The following FAM174A variants were observed in gnomAD, a reference collection of about 807,000 sequenced individuals.
FAM174A encodes the protein membrane protein FAM174A.
Under a neutral mutation model 14.3 loss-of-function variants are expected in FAM174A, and 14 were observed. The observed-to-expected ratio is 0.98, with a 90% CI of 0.65 to 1.53. The LOEUF is 1.53. Among genes scored for constraint, FAM174A ranks in the 40% most tolerant of loss-of-function variants. The pLI, the probability that FAM174A is intolerant of heterozygous loss-of-function variation, is 0.00. For missense variants in FAM174A, 241 were observed against 249.6 expected (o/e 0.97, Z 0.23); for synonymous variants, 108 against 111.4 (o/e 0.97, Z 0.19).
intron 1 of FAM174A, among the ~76,000 whole-genome samples, chr5:100,558,411 T>A (rs1448826767): frequency 6.6e-6 from 1 of 152,178 alleles, no homozygotes; most frequent in Non-Finnish European, 1.5e-5. Context: ...GAATGTATAT[T>A]CTGTTGATTT....
At chr5:100,545,805 T>G (rs1746154073) in intron 1 of FAM174A, among the ~76,000 whole-genome samples, 1 of 152,210 alleles carries the variant, frequency 6.6e-6, no homozygotes. Context: ...ATTATTAATA[T>G]ATGTTACATG....
At chr5:100,578,633 A>C (rs1746947861) in intron 2 of FAM174A, among the ~76,000 whole-genome samples, 1 of 152,090 alleles carries the variant, frequency 6.6e-6, no homozygotes, top group Non-Finnish European at 1.5e-5. Flanking sequence ...AAAGAAGGAT[A>C]TTGTTTTTCT....
chr5:100,571,857 T>A (rs1746788104), intron 2 of FAM174A, among the ~76,000 whole-genome samples: 1 of 151,844 alleles, frequency 6.6e-6, no homozygotes, highest in African/African-American at 2.4e-5. Context: ...TACAACCATT[T>A]TTACAGCAAA....
At chr5:100,553,466 C>T (rs1746304840) in intron 1 of FAM174A, among the ~76,000 whole-genome samples, 1 of 152,006 alleles carries the variant, frequency 6.6e-6, no homozygotes, top group African/African-American at 2.4e-5. Flanking sequence ...TGTATGACCA[C>T]ATAATTATCA....
At chr5:100,581,486 C>T in intron 2 of FAM174A, 1 of 652,486 alleles carries the variant, frequency 1.5e-6, no homozygotes, top group Non-Finnish European at 1.9e-6. Flanking sequence ...AGCATGGTGG[C>T]TCATGCCTGT....
At chr5:100,542,298 A>T (rs987250285) in intron 1 of FAM174A, among the ~76,000 whole-genome samples, 3 of 152,238 alleles carry the variant, frequency 2.0e-5, no homozygotes, top group Admixed American at 2.0e-4. Flanking sequence ...AGCTTGAAAC[A>T]GTATTTTTAT....
In FAM174A at chr5:100,535,455, C is replaced by G; in HGVS notation, c.-76C>G. On this transcript the variant is annotated 5_prime_UTR_variant, in exon 1 of 3. Transcript: ENST00000312637. ...TGGTCACCTCTGCTTCATTCTCCAC[C>G]GCGCCTATGGTCCCTCTTGGAGCCA... The G allele has an allele frequency of 6.6e-7, 1 of 1,521,020 alleles. No individual in the cohort carries two copies. The highest frequency in any genetic ancestry group is 9.0e-7 in the Non-Finnish European group (1 of 1,110,858). 94.2% of individuals were successfully genotyped at this position (1,521,020 alleles called of 1,614,324 possible).
At chr5:100,569,749 TG>T (rs1475382297) in intron 2 of FAM174A, among the ~76,000 whole-genome samples, 3 of 151,808 alleles carry the variant, frequency 2.0e-5, no homozygotes, top group Non-Finnish European at 4.4e-5. Flanking sequence ...TACTAAGCTC[TG>T]GGGATGTATA....
At chr5:100,537,841 G>A (rs188084658) in intron 1 of FAM174A, among the ~76,000 whole-genome samples, 251 of 152,224 alleles carry the variant, frequency 1.6e-3, no homozygotes, top group African/African-American at 5.7e-3. Flanking sequence ...AAAATGATAA[G>A]TATAATGATA....
At chr5:100,537,248 A>T (rs1745959917) in intron 1 of FAM174A, among the ~76,000 whole-genome samples, 1 of 152,202 alleles carries the variant, frequency 6.6e-6, no homozygotes, top group African/African-American at 2.4e-5. Flanking sequence ...TAAATATAAA[A>T]ATCTATCCAT....
chr5:100,570,285 C>T (rs750629723), intron 2 of FAM174A, among the ~76,000 whole-genome samples: 20 of 151,924 alleles, frequency 1.3e-4, no homozygotes, highest in Middle Eastern at 3.4e-3. Context: ...ATTCCAAATA[C>T]CATTACTTTA....
chr5:100,567,472 T>C (rs1447717765), intron 2 of FAM174A, among the ~76,000 whole-genome samples: 2 of 151,856 alleles, frequency 1.3e-5, no homozygotes, highest in Non-Finnish European at 2.9e-5. Context: ...TTTCCTTCTA[T>C]ATCTATCTGA....
At chr5:100,573,509 A>T (rs1580376525) in intron 2 of FAM174A, among the ~76,000 whole-genome samples, 2 of 152,152 alleles carry the variant, frequency 1.3e-5, no homozygotes, top group South Asian at 4.1e-4. Flanking sequence ...CTAGGAATAC[A>T]ACTTACAAGG....
At chr5:100,543,820 G>T (rs76169686) in intron 1 of FAM174A, among the ~76,000 whole-genome samples, 2 of 152,092 alleles carry the variant, frequency 1.3e-5, no homozygotes. Flanking sequence ...GGAATTCTTT[G>T]CATTCTTTCT....
chr5:100,581,579 G>T (rs1300922042), intron 2 of FAM174A, among the ~76,000 whole-genome samples: 1 of 151,658 alleles, frequency 6.6e-6, no homozygotes, highest in Non-Finnish European at 1.5e-5. Flanking sequence ...GGAAGACCAT[G>T]CTTAAGGCTG....
intron 1 of FAM174A, among the ~76,000 whole-genome samples, chr5:100,558,624 G>A (rs1182081727): frequency 6.6e-6 from 1 of 152,108 alleles, no homozygotes; most frequent in Non-Finnish European, 1.5e-5. Flanking sequence ...GGGTGGTCCT[G>A]TATTGGGTGC....
intron 2 of FAM174A, among the ~76,000 whole-genome samples, chr5:100,562,945 T>A (rs916799066): frequency 6.6e-6 from 1 of 151,820 alleles, no homozygotes; most frequent in Non-Finnish European, 1.5e-5. Context: ...AGGGATTACT[T>A]GGGTGAAGGA....
intron 2 of FAM174A, among the ~76,000 whole-genome samples, chr5:100,571,898 A>G (rs1246576625): frequency 1.3e-5 from 2 of 151,822 alleles, no homozygotes; most frequent in Non-Finnish European, 2.9e-5. Context: ...CATGTGTTAT[A>G]TGTTACTGTA....
At position 100,535,381 on chromosome 5, in the gene FAM174A, A is replaced by T. The variant is rs888934303; in HGVS notation, c.-150A>T. 3.8e-6 allele frequency: 3 copies of T among 789,396 alleles called. No individual in the cohort carries two copies. The highest frequency in any genetic ancestry group is 6.1e-6 in the Non-Finnish European group (3 of 491,612). 48.9% of individuals were successfully genotyped at this position (789,396 alleles called of 1,614,324 possible). ...ACTTCCGGTTCTCCGGGCAGCTGCCACTGCTGTAGCTTCTGCCACCTGCCA... is the reference window on the plus strand; with the variant it reads ...ACTTCCGGTTCTCCGGGCAGCTGCCTCTGCTGTAGCTTCTGCCACCTGCCA... On this transcript the variant is annotated 5_prime_UTR_variant, in exon 1 of 3. Coordinates refer to ENST00000312637, the MANE Select transcript of FAM174A (RefSeq NM_198507.3).
Sources: gnomAD v4.1 joint callset for allele counts (sites outside exome capture counted in the v4.1 genomes callset) on GRCh38, gnomAD v4.1.1 for gene constraint, MANE v1.5 for transcripts, NCBI Gene and HGNC (gene_info 2026-07-23, HGNC 2026-07-21) for gene names.